Variants in RYR2 observed in about 807,000 individuals in gnomAD.
RYR2 encodes the protein cardiac muscle ryanodine receptor-calcium release channel.
RYR2 carries 227 observed loss-of-function variants against 601.1 expected under a neutral mutation model. That is an observed-to-expected ratio of 0.38 (90% CI 0.34 to 0.42). The LOEUF is 0.42. Ranked by LOEUF, RYR2 falls within the 10% of genes least tolerant of loss-of-function variation. RYR2 has a pLI of 1.00. For missense variants in RYR2, 4,646 were observed against 6,156.5 expected (o/e 0.75, Z 8.21); for synonymous variants, 2,223 against 2,175.1 (o/e 1.02, Z -0.61).
chr1:237,659,313 C>T lies in RYR2; in HGVS notation c.8209-672C>T, dbSNP rs1192914900. Among the ~76,000 whole-genome samples, 15 of 152,222 alleles carry T rather than the reference C, an allele frequency of 9.9e-5. No individual in the cohort carries two copies. In the East Asian group the frequency reaches 2.7e-3, roughly 27 times the overall value. On this transcript the variant is annotated intron_variant, in intron 54 of 104. Transcript: ENST00000366574. ...TCTTATATAAAAACTCTGCTAAATA[C>T]TGAGTGGGTGGAGTTGGTGATGGAG... is the stretch of plus-strand genomic sequence containing the variant.
chr1:237,358,558 G>A (rs1699499241), intron 4 of RYR2, among the ~76,000 whole-genome samples: 1 of 152,024 alleles, frequency 6.6e-6, no homozygotes, highest in Non-Finnish European at 1.5e-5. Context: ...TCTGACCTGA[G>A]CTTCTCTTGC....
At position 237,242,602 on chromosome 1, in the gene RYR2, G is replaced by A. The variant is rs138839026; in HGVS notation, c.49-27895G>A. ...CTCAGAAAGGTTTAATACTCAGGAC[G>A]TGAATCCTTAGCATAGACATTTTCA... On this transcript the variant is annotated intron_variant, in intron 1 of 104. Transcript: ENST00000366574. 8.5e-4 allele frequency among the ~76,000 whole-genome samples: 130 copies of A among 152,268 alleles called. 1 individual carries two copies. The highest frequency in any genetic ancestry group is 3.1e-3 in the African/African-American group (128 of 41,552).
At chr1:237,391,393 T>A (rs184979339) in intron 10 of RYR2, among the ~76,000 whole-genome samples, 495 of 152,218 alleles carry the variant, frequency 3.3e-3, no homozygotes, top group African/African-American at 7.4e-3. Flanking sequence ...GTAAAAAAAA[T>A]TTTTTACCTT....
chr1:237,388,046 A>T (rs367953113), intron 9 of RYR2, 41 bp from the exon 10 acceptor site: 16 of 1,550,690 alleles, frequency 1.0e-5, no homozygotes, highest in African/African-American at 1.4e-5. Flanking sequence ...TCAGCACCTG[A>T]CACTGACAGT....
intron 1 of RYR2, 136 bp from the exon 2 acceptor site, chr1:237,270,361 G>GT (rs760601492): frequency 7.0e-6 from 9 of 1,279,120 alleles, no homozygotes; most frequent in African/African-American, 1.5e-5. Flanking sequence ...TCTTTTGGTT[G>GT]TTTTTTTGAC....
chr1:237,424,351 T>C (rs745564832), intron 12 of RYR2, among the ~76,000 whole-genome samples: 4 of 152,220 alleles, frequency 2.6e-5, no homozygotes, highest in Non-Finnish European at 4.4e-5. Flanking sequence ...CATCTAGGTA[T>C]AGGCATCTTC....
chr1:237,373,340 C>T (rs531553578), intron 6 of RYR2, among the ~76,000 whole-genome samples: 192 of 152,272 alleles, frequency 1.3e-3, no homozygotes, highest in African/African-American at 4.4e-3. Context: ...TTCACATCCC[C>T]ATGGCACTGA....
chr1:237,646,340 C>CA (rs199575412), intron 48 of RYR2, among the ~76,000 whole-genome samples: 3 of 150,630 alleles, frequency 2.0e-5, no homozygotes, highest in African/African-American at 2.4e-5. Context: ...GACTCTGTCT[C>CA]AAAAAAAAAT....
chr1:237,505,777 G>A (rs971068683), intron 22 of RYR2, among the ~76,000 whole-genome samples: 2 of 152,182 alleles, frequency 1.3e-5, no homozygotes, highest in South Asian at 2.1e-4. Flanking sequence ...TATGTGTTGC[G>A]AGACTAGCTG....
intron 96 of RYR2, among the ~76,000 whole-genome samples, chr1:237,797,500 T>C (rs996947886): frequency 1.3e-5 from 2 of 152,186 alleles, no homozygotes; most frequent in East Asian, 3.9e-4. Flanking sequence ...ATGTGCCCCC[T>C]ATTGGCATGC....
chr1:237,797,582 C>G (rs192347525), intron 96 of RYR2, among the ~76,000 whole-genome samples: 13 of 152,320 alleles, frequency 8.5e-5, no homozygotes, highest in Non-Finnish European at 1.5e-4. Context: ...CCATCTCTTG[C>G]TGAGTTTAGC....
intron 34 of RYR2, among the ~76,000 whole-genome samples, chr1:237,597,302 T>G (rs1268923527): frequency 6.6e-6 from 1 of 151,620 alleles, no homozygotes; most frequent in African/African-American, 2.4e-5. Flanking sequence ...GTATTTTTTT[T>G]TTTTTTGAGA....
At chr1:237,592,531 G>A (rs970401130) in intron 32 of RYR2, among the ~76,000 whole-genome samples, 18 of 151,924 alleles carry the variant, frequency 1.2e-4, no homozygotes, top group African/African-American at 4.4e-4. Flanking sequence ...TACTAGGGAG[G>A]CTGAGGCAGG....
At chr1:237,827,012 A>G (rs551541711) in intron 101 of RYR2, among the ~76,000 whole-genome samples, 17 of 152,298 alleles carry the variant, frequency 1.1e-4, no homozygotes, top group African/African-American at 3.1e-4. Flanking sequence ...CAGAAAAGTC[A>G]TGTTATCTTT....
chr1:237,679,510 C>T (rs1317246096), intron 61 of RYR2, among the ~76,000 whole-genome samples: 1 of 152,104 alleles, frequency 6.6e-6, no homozygotes, highest in African/African-American at 2.4e-5. Flanking sequence ...CGATCTTGTT[C>T]TTGCTATGGG....
At chr1:237,593,415 A>G in intron 32 of RYR2, 61 bp from the exon 33 acceptor site, 3 of 1,514,984 alleles carry the variant, frequency 2.0e-6, no homozygotes, top group Middle Eastern at 1.8e-4. Context: ...TAGGATTGCA[A>G]ATCCAAGTTT....
intron 1 of RYR2, among the ~76,000 whole-genome samples, chr1:237,146,235 C>CT (rs1251721685): frequency 6.6e-6 from 1 of 152,174 alleles, no homozygotes; most frequent in Non-Finnish European, 1.5e-5. Flanking sequence ...TTAAGTGTAA[C>CT]TTAAAACCTT....
chr1:237,795,515 G>A (rs551954175), intron 96 of RYR2, among the ~76,000 whole-genome samples, 184 bp downstream of exon 96: 68 of 151,546 alleles, frequency 4.5e-4, no homozygotes, highest in African/African-American at 1.6e-3. Flanking sequence ...GCAGTAGCGC[G>A]ATCTCAGCTC....
intron 29 of RYR2, among the ~76,000 whole-genome samples, chr1:237,572,770 A>G (rs1672833201): frequency 6.6e-6 from 1 of 152,126 alleles, no homozygotes; most frequent in African/African-American, 2.4e-5. Context: ...TCATGAATCT[A>G]AATTTTCTAC....
Sources: gnomAD v4.1 joint callset for allele counts (sites outside exome capture counted in the v4.1 genomes callset) on GRCh38, gnomAD v4.1.1 for gene constraint, MANE v1.5 for transcripts, NCBI Gene and HGNC (gene_info 2026-07-23, HGNC 2026-07-21) for gene names.